The following UBE3B variants were observed in gnomAD, a reference collection of about 807,000 sequenced individuals.
UBE3B encodes ubiquitin protein ligase E3B.
Under a neutral mutation model 132.3 loss-of-function variants are expected in UBE3B, and 80 were observed. That is an observed-to-expected ratio of 0.60 (90% CI 0.50 to 0.73). The LOEUF (loss-of-function observed/expected upper bound fraction) is 0.73. Ranked by LOEUF, UBE3B falls within the 30% of genes least tolerant of loss-of-function variation. UBE3B has a pLI of 0.00. For missense variants in UBE3B, 1,196 were observed against 1,362.5 expected, an observed-to-expected ratio of 0.88 and a Z score of 1.92; for synonymous variants, 487 against 520.4, an observed-to-expected ratio of 0.94 and a Z score of 0.87.
At chr12:109,488,029 A>G (rs1176695773) in intron 6 of UBE3B, among the ~76,000 whole-genome samples, 1 of 152,240 alleles carries the variant, frequency 6.6e-6, no homozygotes, top group African/African-American at 2.4e-5. Flanking sequence ...GGAGTTATCT[A>G]TGTGCCAGAC....
chr12:109,520,823 T>C (rs889994049), intron 19 of UBE3B: 11 of 227,936 alleles, frequency 4.8e-5, no homozygotes, highest in Non-Finnish European at 8.6e-5. Flanking sequence ...AAATGTATCT[T>C]GTCCCGGTTT....
rs1392021063 is a variant in UBE3B, at chr12:109,522,400, T to C, written c.2364+849T>C. Among the ~76,000 whole-genome samples, 1 of 151,724 alleles carries C rather than the reference T, an allele frequency of 6.6e-6. No individual in the cohort carries two copies. Among genetic ancestry groups the C allele is most frequent in the Non-Finnish European group, 1.5e-5 (1 of 67,926 alleles). ...AGTCACCGCCTGTTCCTTGGGAGAGTCCTGTTTCCCAGGAGGAAGGAAAGC... is the reference window on the plus strand; with the variant it reads ...AGTCACCGCCTGTTCCTTGGGAGAGCCCTGTTTCCCAGGAGGAAGGAAAGC... On this transcript the variant is annotated intron_variant, in intron 21 of 27. Transcript: ENST00000342494. This position sits in a 1 kb window ranked among gnomAD's most constrained non-coding sequence, Gnocchi z 4.2.
In UBE3B at chr12:109,534,378, T is replaced by C; in HGVS notation, c.3016-213T>C. On this transcript the variant is annotated intron_variant, in intron 27 of 27. Transcript: ENST00000342494. The surrounding 1 kb of genome is among the most constrained non-coding windows in gnomAD (Gnocchi z 5.2). ...GCTTACTTAGTGCAGGAATTCTCTG[T>C]GCAGGCCCCAGGGAGAAGGGGTTCC... The C allele has an allele frequency of 7.1e-7, 1 of 1,417,388 alleles. No homozygotes were observed. Among genetic ancestry groups the C allele is most frequent in the Non-Finnish European group, 9.2e-7 (1 of 1,092,098 alleles). The allele number at this position is 1,417,388 out of a possible 1,614,324, so 87.8% of individuals were successfully genotyped here.
intron 17 of UBE3B, among the ~76,000 whole-genome samples, chr12:109,510,776 T>C (rs752104283): frequency 2.6e-5 from 4 of 152,212 alleles, no homozygotes; most frequent in Non-Finnish European, 5.9e-5. Context: ...TAAAAGGCAG[T>C]TTTTATTAGC....
intron 9 of UBE3B, among the ~76,000 whole-genome samples, chr12:109,496,436 T>C (rs1878218438): frequency 6.6e-6 from 1 of 152,256 alleles, no homozygotes; most frequent in Non-Finnish European, 1.5e-5. Context: ...GGTAACTCCA[T>C]GCTTAACCTT....
chr12:109,478,338 T>G (rs148287557), intron 1 of UBE3B, among the ~76,000 whole-genome samples: 30 of 152,334 alleles, frequency 2.0e-4, no homozygotes, highest in Non-Finnish European at 4.0e-4. Context: ...GGATCTTGTT[T>G]GTTTTACTTA....
chr12:109,495,889 C>T (rs1026594097), intron 9 of UBE3B, among the ~76,000 whole-genome samples: 13 of 152,174 alleles, frequency 8.5e-5, no homozygotes, highest in Non-Finnish European at 1.5e-4. Context: ...ACCTTCTGGC[C>T]GTGGGCATCA....
At position 109,511,230 on chromosome 12, in the gene UBE3B, A is replaced by G. The variant is rs1193853143; in HGVS notation, c.1883A>G (p.Gln628Arg). The G allele has an allele frequency of 6.2e-7, 1 of 1,614,044 alleles. No individual in the cohort carries two copies. Among genetic ancestry groups the G allele is most frequent in the Non-Finnish European group, 8.5e-7 (1 of 1,180,026 alleles). ...GATCTCAAACCTAGCGTGCTCTTCC[A>G]AGAACTCGACAGGGACAGAAAACGG... ...RKDLKPSVLF[Q>R]ELDRDRKRAQ... The change falls in exon 18 of 28, where the codon CAA becomes CGA. Residue 628 changes from glutamine (Q) to arginine (R), a missense_variant. Physicochemically the swap from Gln to Arg is conservative, Grantham distance 43. Transcript: ENST00000342494.
Position 109,521,444 on chromosome 12 carries a change from A to C in UBE3B, c.2257A>C (p.Thr753Pro). ...TCCCCGTCTTTTTGCCTTGCAGACA[A>C]CCAGTGGGGATGAGAGGCTGTACCC... ...FDPALNLFKT[T>P]SGDERLYPSP... Residue 753 changes from threonine (T) to proline (P), a missense_variant, in exon 21 of 28, where the codon ACC (threonine) becomes CCC (proline). Physicochemically the swap from Thr to Pro is conservative, Grantham distance 38 (BLOSUM62 -1). Transcript: ENST00000342494. The surrounding 1 kb of genome is among the most constrained non-coding windows in gnomAD (Gnocchi z 4.2). 3 of 1,580,670 alleles carry C rather than the reference A, an allele frequency of 1.9e-6. No individual in the cohort carries two copies. The highest frequency in any genetic ancestry group is 2.6e-6 in the Non-Finnish European group (3 of 1,157,416).
the UBE3B span, among the ~76,000 whole-genome samples, chr12:109,542,530 A>C: frequency 4.6e-5 from 7 of 152,282 alleles, no homozygotes; most frequent in East Asian, 1.4e-3. Flanking sequence ...CTACCTCAGC[A>C]TGTGGCCTTA....
chr12:109,533,615 C>G, intron 27 of UBE3B, 57 bp downstream of exon 27: 5 of 1,455,572 alleles, frequency 3.4e-6, no homozygotes, highest in Non-Finnish European at 4.8e-6. Flanking sequence ...TGGTTGTCTG[C>G]TGTGCCCACT....
intron 23 of UBE3B, among the ~76,000 whole-genome samples, chr12:109,524,799 G>A (rs184612745): frequency 9.9e-5 from 15 of 152,050 alleles, no homozygotes; most frequent in South Asian, 4.2e-4. Flanking sequence ...AGGATTAGCC[G>A]TTACAAATGG....
intron 19 of UBE3B, chr12:109,520,499 C>T (rs1406144564): frequency 6.6e-6 from 1 of 152,584 alleles, no homozygotes; most frequent in Admixed American, 6.5e-5. Flanking sequence ...CAGCACCACC[C>T]CCACATCTCG....
chr12:109,491,570 A>G (rs1265662129), intron 9 of UBE3B: 1 of 154,440 alleles, frequency 6.5e-6, no homozygotes, highest in Non-Finnish European at 1.4e-5. Flanking sequence ...ATTTGCCTTC[A>G]CTTAGTTTGG....
chr12:109,493,999 A>T (rs760555555), intron 9 of UBE3B, among the ~76,000 whole-genome samples: 1 of 151,942 alleles, frequency 6.6e-6, no homozygotes, highest in Non-Finnish European at 1.5e-5. Flanking sequence ...TTTATTTTTA[A>T]AATTTTTGTA....
intron 22 of UBE3B, 102 bp from the exon 23 acceptor site, chr12:109,524,336 T>C (rs963319706): frequency 2.1e-5 from 31 of 1,450,288 alleles, no homozygotes; most frequent in Middle Eastern, 3.5e-4. Flanking sequence ...TCAGCAGCCA[T>C]GGGTGTTCCC....
rs1878966872 is a variant in UBE3B at position 109,501,400 on chromosome 12, A to T, written c.1148A>T (p.Lys383Ile). 1.2e-6 allele frequency: 2 copies of T among 1,613,980 alleles called. No individual in the cohort carries two copies. Among genetic ancestry groups the T allele is most frequent in the African/African-American group, 2.7e-5 (2 of 74,894 alleles). Residue 383 changes from lysine (K) to isoleucine (I), a missense_variant, in exon 13 of 28, where the codon AAA (lysine) becomes ATA (isoleucine). Coordinates refer to ENST00000342494, the MANE Select transcript of UBE3B (RefSeq NM_130466.4). ...AACGAGTCAATGCACTTGATCACCA[A>T]ACAGCTGCAGTTCTTGTGGGGGGTG... is the stretch of plus-strand genomic sequence containing the variant. The part of the protein sequence containing the change: ...GLNESMHLIT[K>I]QLQFLWGVPL...
At chr12:109,546,410 A>G in the UBE3B span, among the ~76,000 whole-genome samples, 2 of 152,178 alleles carry the variant, frequency 1.3e-5, no homozygotes, top group Admixed American at 1.3e-4. Flanking sequence ...TGTATTGGGC[A>G]GTATTGAGGG....
chr12:109,504,855 A>C (rs1404375567), intron 14 of UBE3B, among the ~76,000 whole-genome samples: 1 of 149,340 alleles, frequency 6.7e-6, no homozygotes, highest in African/African-American at 2.5e-5. Context: ...CCCAGGCTGT[A>C]GTGCAGTAGC....
Sources: allele counts gnomAD v4.1 joint callset (sites outside exome capture counted in the v4.1 genomes callset), GRCh38; gene constraint gnomAD v4.1.1; non-coding constraint Gnocchi (gnomAD v3.1); transcripts MANE v1.5; gene names NCBI Gene and HGNC (gene_info 2026-07-23, HGNC 2026-07-21).